TET3: variants seen among roughly 807,000 people sequenced by gnomAD.
The protein encoded by TET3 is tet methylcytosine dioxygenase 3.
A neutral mutation model predicts 141.4 loss-of-function variants in TET3; 19 were observed. The observed-to-expected ratio is 0.13, with a 90% CI of 0.09 to 0.20. TET3 has a LOEUF of 0.20. Ranked by LOEUF, TET3 falls within the 10% of genes least tolerant of loss-of-function variation. The probability of loss-of-function intolerance (pLI) is 1.00; values close to 1 mark genes in which losing one functional copy is unlikely to be tolerated. For missense variants in TET3, 1,874 were observed against 2,356.9 expected, an observed-to-expected ratio of 0.80 and a Z score of 4.24; for synonymous variants, 1,043 against 980.9, an observed-to-expected ratio of 1.06 and a Z score of -1.18.
intron 10 of TET3, among the ~76,000 whole-genome samples, chr2:74,096,091 A>G (rs140551343): frequency 3.2e-4 from 48 of 152,160 alleles, no homozygotes; most frequent in Middle Eastern, 6.8e-3. Flanking sequence ...TAATCAGGCT[A>G]CCCTTACCTT....
intron 5 of TET3, among the ~76,000 whole-genome samples, chr2:74,079,631 C>T (rs1157068422): frequency 6.6e-6 from 1 of 152,120 alleles, no homozygotes; most frequent in African/African-American, 2.4e-5. Flanking sequence ...TTACCAAGCC[C>T]AGGAGGTGGG....
At chr2:74,021,812 G>GTACT (rs1686060128) in intron 3 of TET3, among the ~76,000 whole-genome samples, 1 of 152,194 alleles carries the variant, frequency 6.6e-6, no homozygotes, top group Admixed American at 6.5e-5. Context: ...GGGGCTTCCA[G>GTACT]TACTTGATCA....
chr2:74,097,821 C>T (rs928188623), intron 10 of TET3, among the ~76,000 whole-genome samples: 3 of 152,080 alleles, frequency 2.0e-5, no homozygotes, highest in Non-Finnish European at 4.4e-5. Flanking sequence ...GGGGTGTGAG[C>T]TCTGGATTTG....
intron 4 of TET3, among the ~76,000 whole-genome samples, chr2:74,058,130 A>G (rs932769159): frequency 6.6e-6 from 1 of 152,258 alleles, no homozygotes; most frequent in Non-Finnish European, 1.5e-5. Flanking sequence ...AGCACATAAA[A>G]AGTGCATTGA....
chr2:74,051,841 A>C (rs1687960974), intron 4 of TET3, among the ~76,000 whole-genome samples: 2 of 152,230 alleles, frequency 1.3e-5, no homozygotes, highest in Non-Finnish European at 2.9e-5. Flanking sequence ...CCACCATGTC[A>C]TATTGTGATT....
chr2:74,135,454 T>G, the TET3 span: 1 of 1,275,998 alleles, frequency 7.8e-7, no homozygotes, highest in African/African-American at 1.5e-5. Flanking sequence ...CTAAATAGAT[T>G]ATACATCTTC....
At chr2:74,020,858 G>A (rs906428077) in intron 3 of TET3, among the ~76,000 whole-genome samples, 3 of 152,190 alleles carry the variant, frequency 2.0e-5, no homozygotes, top group South Asian at 4.1e-4. Flanking sequence ...CTGGTTCAGC[G>A]TGTCCCGGGG....
chr2:74,051,116 A>G (rs949221673), intron 4 of TET3, among the ~76,000 whole-genome samples: 2 of 152,216 alleles, frequency 1.3e-5, no homozygotes, highest in Admixed American at 1.3e-4. Flanking sequence ...TGAGTAGTGC[A>G]TAAGCACAGT....
At chr2:74,021,723 TACA>T (rs1686055284) in intron 3 of TET3, among the ~76,000 whole-genome samples, 1 of 152,210 alleles carries the variant, frequency 6.6e-6, no homozygotes, top group Non-Finnish European at 1.5e-5. Flanking sequence ...ACCAGCTTCC[TACA>T]GGTGATTCCC....
downstream of TET3, among the ~76,000 whole-genome samples, chr2:74,108,447 GT>G (rs1331130135): frequency 9.9e-5 from 15 of 152,112 alleles, no homozygotes; most frequent in Admixed American, 4.6e-4. Context: ...TCCCTTTTAT[GT>G]TTTTTTGTCC....
chr2:74,031,169 GC>G (rs1686665605), intron 3 of TET3, among the ~76,000 whole-genome samples: 1 of 152,106 alleles, frequency 6.6e-6, no homozygotes, highest in Non-Finnish European at 1.5e-5. Context: ...TCTGAGGGGA[GC>G]ATGGGGCGAT....
intron 3 of TET3, among the ~76,000 whole-genome samples, chr2:74,003,476 C>T (rs1684978382): frequency 7.1e-6 from 1 of 139,968 alleles, no homozygotes. Flanking sequence ...CCACCCCTGC[C>T]TCTGGAAATC....
chr2:74,100,910 A>C lies in TET3; in HGVS notation c.4122A>C (p.Leu1374=), dbSNP rs1240957318. The C allele has an allele frequency of 2.5e-6, 4 of 1,609,700 alleles. No homozygotes were observed. Among genetic ancestry groups the C allele is most frequent in the Admixed American group, 1.7e-5 (1 of 59,402 alleles). The change falls in exon 12 of 12, where the codon CTA becomes CTC. Residue 1374 remains leucine, a synonymous_variant. Coordinates refer to ENST00000409262, the MANE Select transcript of TET3 (RefSeq NM_001287491.2). ...PKEYLLPKAP[L]LHSVSRDPSP... ...AGTATCTGCTTCCCAAGGCCCCCCT[A>C]CTCCACTCAGTGTCCAGGGACCCCT... is the stretch of plus-strand genomic sequence containing the variant.
chr2:74,081,919 C>T (rs1689852173), intron 6 of TET3, among the ~76,000 whole-genome samples: 1 of 152,194 alleles, frequency 6.6e-6, no homozygotes, highest in Non-Finnish European at 1.5e-5. Flanking sequence ...TATGAAGAAG[C>T]AGGCTGCCCC....
chr2:74,050,978 G>T (rs558269571), intron 4 of TET3, among the ~76,000 whole-genome samples: 1 of 152,310 alleles, frequency 6.6e-6, no homozygotes, highest in East Asian at 1.9e-4. Flanking sequence ...TATCGCAGGG[G>T]TACCCTGTAG....
intron 3 of TET3, among the ~76,000 whole-genome samples, chr2:74,003,936 C>T (rs545093018): frequency 5.3e-4 from 81 of 152,138 alleles, no homozygotes; most frequent in Non-Finnish European, 1.0e-3. Flanking sequence ...ACAGATATTC[C>T]TCCCACGTTG....
At chr2:73,984,579 G>T (rs1683897549), upstream of TET3, among the ~76,000 whole-genome samples, 1 of 151,950 alleles carries the variant, frequency 6.6e-6, no homozygotes, top group African/African-American at 2.4e-5. The surrounding 1 kb of genome is among the most constrained non-coding windows in gnomAD (Gnocchi z 5.6). Context: ...TAGGCTGGAA[G>T]GTCCGCGTGC....
rs940585906 is a variant in TET3 at position 74,093,921 on chromosome 2, C to T, written c.3267+255C>T. Among the ~76,000 whole-genome samples the T allele has an allele frequency of 1.6e-4, 24 of 152,206 alleles. 1 individual carries two copies. The highest frequency in any genetic ancestry group is 4.6e-4 in the Admixed American group (7 of 15,276). ...ATGCTGCAGGATGTAGCCCCTCAAG[C>T]ACCTGGAGTGCCCAGTTATCTAAAG... On this transcript the variant is annotated intron_variant, in intron 10 of 11. Transcript: ENST00000409262. The surrounding 1 kb of genome is among the most constrained non-coding windows in gnomAD (Gnocchi z 4.2).
At chr2:74,120,082 A>G in the TET3 span, among the ~76,000 whole-genome samples, 13 of 152,266 alleles carry the variant, frequency 8.5e-5, no homozygotes, top group Admixed American at 6.5e-4. Context: ...AGGACTTTCG[A>G]TAGGCCGCCT....
Sources: allele counts gnomAD v4.1 joint callset (sites outside exome capture counted in the v4.1 genomes callset), GRCh38; gene constraint gnomAD v4.1.1; non-coding constraint Gnocchi (gnomAD v3.1); transcripts MANE v1.5; gene names NCBI Gene and HGNC (gene_info 2026-07-23, HGNC 2026-07-21).